Variants in USP42 observed in about 807,000 individuals in gnomAD.
USP42 encodes ubiquitin carboxyl-terminal hydrolase 42.
A neutral mutation model predicts 113.0 loss-of-function variants in USP42; 23 were observed. The observed-to-expected ratio is 0.20, with a 90% CI of 0.15 to 0.29. The LOEUF (loss-of-function observed/expected upper bound fraction) is 0.29, where lower values mean the gene tolerates loss of function less well. Ranked by LOEUF, USP42 falls within the 10% of genes least tolerant of loss-of-function variation. The probability of loss-of-function intolerance (pLI) is 1.00; values close to 1 mark genes in which losing one functional copy is unlikely to be tolerated. For missense variants in USP42, 2,174 were observed against 1,779.8 expected (o/e 1.22, Z -3.99); for synonymous variants, 933 against 699.0 (o/e 1.33, Z -5.28).
chr7:6,123,930 C>T (rs1780379233), intron 3 of USP42, among the ~76,000 whole-genome samples: 1 of 150,704 alleles, frequency 6.6e-6, no homozygotes, highest in Non-Finnish European at 1.5e-5. Flanking sequence ...TGCTGGAGTG[C>T]ACTGGCATGA....
At chr7:6,093,289 CT>C in the USP42 span, among the ~76,000 whole-genome samples, 3 of 143,326 alleles carry the variant, frequency 2.1e-5, no homozygotes, top group South Asian at 2.2e-4. Flanking sequence ...TCTTCTCTCT[CT>C]TTTTTTTTGC....
chr7:6,128,867 C>T (rs1206289018), intron 3 of USP42, among the ~76,000 whole-genome samples: 1 of 152,026 alleles, frequency 6.6e-6, no homozygotes, highest in Non-Finnish European at 1.5e-5. Context: ...GTCACCTAGG[C>T]TGGAGTGTGG....
At chr7:6,121,581 T>C (rs1780228709) in intron 3 of USP42, among the ~76,000 whole-genome samples, 2 of 152,246 alleles carry the variant, frequency 1.3e-5, no homozygotes, top group South Asian at 4.1e-4. Context: ...TTATTTCTTC[T>C]TTAAATGTTT....
In USP42 at chr7:6,149,963, C is replaced by T; in HGVS notation, c.1767C>T (p.Ser589=). ...TKPIPRSESC[S]QPVMNGKSKL... ...CGATCCCCCGCAGTGAATCCTGCTC[C>T]CAGCCCGTGATGAATGGCAAATCCA... Residue 589 remains serine (S), a synonymous_variant, in exon 13 of 18, where the codon TCC becomes TCT. Transcript: ENST00000306177. 6.2e-7 allele frequency: 1 copy of T among 1,613,956 alleles called. No individual in the cohort carries two copies. The highest frequency in any genetic ancestry group is 8.5e-7 in the Non-Finnish European group (1 of 1,179,880).
intron 3 of USP42, chr7:6,117,016 C>T: frequency 2.6e-6 from 1 of 381,490 alleles, no homozygotes; most frequent in South Asian, 2.1e-5. Context: ...CTTTCTCTCT[C>T]TCTTTTCCCA....
the USP42 span, among the ~76,000 whole-genome samples, chr7:6,097,382 G>A: frequency 6.3e-5 from 9 of 141,788 alleles, no homozygotes; most frequent in South Asian, 2.0e-3. Context: ...GGTCCCTGTG[G>A]GTCCTTTTTT....
the USP42 span, among the ~76,000 whole-genome samples, chr7:6,094,509 TAGA>T: frequency 1.3e-5 from 2 of 151,248 alleles, no homozygotes; most frequent in South Asian, 2.1e-4. Context: ...GTTGTGGATG[TAGA>T]AGAACTCCAA....
At chr7:6,090,441 A>C in the USP42 span, among the ~76,000 whole-genome samples, 1 of 143,714 alleles carries the variant, frequency 7.0e-6, no homozygotes, top group African/African-American at 2.6e-5. Flanking sequence ...TATGCCAGGC[A>C]CAGTGGCTCA....
Position 6,154,588 on chromosome 7 carries a change from C to G in USP42, c.3034C>G (p.Arg1012Gly), listed in dbSNP as rs751480553. The change falls in exon 15 of 18, where the codon CGC (arginine) becomes GGC (glycine). Residue 1012 changes from arginine (R) to glycine (G), a missense_variant. Arg to Gly is a moderately radical substitution (Grantham distance 125). Transcript: ENST00000306177. ...CGACAGGCTCAGCCCTGGCGAGCGC[C>G]GCTCTCTGGGCAGGTGCAGTCACCA... The part of the protein sequence containing the change: ...HGDRLSPGER[R>G]SLGRCSHHHS... 6.4e-7 allele frequency: 1 copy of G among 1,571,184 alleles called. No homozygotes were observed. The highest frequency in any genetic ancestry group is 1.2e-5 in the South Asian group (1 of 85,432).
chr7:6,139,226 A>T lies in USP42; in HGVS notation c.656+32A>T. On this transcript the variant is annotated intron_variant, in intron 5 of 17. Coordinates refer to ENST00000306177, the MANE Select transcript of USP42 (RefSeq NM_032172.3). This position sits in a 1 kb window ranked among gnomAD's most constrained non-coding sequence, Gnocchi z 4.5. ...ACAACAGAGCGCCAGCCATGTCTTCATTGGGGATCTCTGGTTGTAGTTTAT... is the reference window on the plus strand; with the variant it reads ...ACAACAGAGCGCCAGCCATGTCTTCTTTGGGGATCTCTGGTTGTAGTTTAT... 1 of 1,468,616 alleles carries T rather than the reference A, an allele frequency of 6.8e-7. No homozygotes were observed. Among genetic ancestry groups the T allele is most frequent in the Non-Finnish European group, 9.3e-7 (1 of 1,075,866 alleles). The allele number at this position is 1,468,616 out of a possible 1,614,324, so 91.0% of individuals were successfully genotyped here. A position where few individuals can be genotyped will look rare whatever the true frequency, so the allele number is the denominator to read the frequency against.
intron 1 of USP42, among the ~76,000 whole-genome samples, chr7:6,106,895 CTT>C (rs1779311911): frequency 6.6e-6 from 1 of 152,170 alleles, no homozygotes; most frequent in African/African-American, 2.4e-5. Flanking sequence ...GCTCTTGTAA[CTT>C]TTATATATCA....
At chr7:6,104,631 G>C (rs1327918938), upstream of USP42, among the ~76,000 whole-genome samples, 1 of 152,132 alleles carries the variant, frequency 6.6e-6, no homozygotes, top group Admixed American at 6.5e-5. Flanking sequence ...GCTCTGCCCA[G>C]GGAAGCACAG....
the USP42 span, among the ~76,000 whole-genome samples, chr7:6,090,766 TTA>T: frequency 6.9e-6 from 1 of 145,610 alleles, no homozygotes; most frequent in Non-Finnish European, 1.5e-5. Flanking sequence ...ACTATATATA[TTA>T]TATATATAAC....
chr7:6,140,319 T>C lies in USP42; in HGVS notation c.724+124T>C, dbSNP rs1049261011. On this transcript the variant is annotated intron_variant, in intron 6 of 17. Coordinates refer to ENST00000306177, the MANE Select transcript of USP42 (RefSeq NM_032172.3). ...TGCTTCTCTCCAGCCCAGATTCTCA[T>C]TCCTTTTACCCAGAGGCAGCCTCGG... 3 of 894,492 alleles carry C rather than the reference T, an allele frequency of 3.4e-6. No homozygotes were observed. The African/African-American group carries it at 5.0e-5, about 15-fold the overall frequency. 55.4% of individuals were successfully genotyped at this position (894,492 alleles called of 1,614,324 possible).
At position 6,139,812 on chromosome 7, in the gene USP42, C is replaced by A. The variant is rs772355171; in HGVS notation, c.657-316C>A. ...GCCTTTTCCGCCTCCGCTCCCTTTC[C>A]TCCCACACAGGCCGCAGTGCCCGGA... On this transcript the variant is annotated intron_variant, in intron 5 of 17. Transcript: ENST00000306177. This position sits in a 1 kb window ranked among gnomAD's most constrained non-coding sequence, Gnocchi z 4.5. 2.1e-5 allele frequency: 9 copies of A among 435,492 alleles called. No individual in the cohort carries two copies. The East Asian group carries it at 4.3e-4, about 21-fold the overall frequency. The allele number at this position is 435,492 out of a possible 1,614,324, so 27.0% of individuals were successfully genotyped here.
rs1162650300 is a variant in USP42, at chr7:6,148,002, C to G, written c.1386+110C>G. The G allele has an allele frequency of 2.6e-6, 3 of 1,173,910 alleles. No homozygotes were observed. In the African/African-American group the frequency reaches 4.6e-5, roughly 18 times the overall value. The allele number at this position is 1,173,910 out of a possible 1,614,324, so 72.7% of individuals were successfully genotyped here. A position where few individuals can be genotyped will look rare whatever the true frequency, so the allele number is the denominator to read the frequency against. ...TGTGTCCTCAAATACATCTGAATTT[C>G]TTCTCACAGTTTAATCAAACCCTCT... On this transcript the variant is annotated intron_variant, in intron 12 of 17. Transcript: ENST00000306177.
the USP42 span, among the ~76,000 whole-genome samples, chr7:6,095,699 T>A: frequency 6.6e-6 from 1 of 151,058 alleles, no homozygotes; most frequent in Non-Finnish European, 1.5e-5. Flanking sequence ...GAGGTCTCTT[T>A]GGGGCAGGAC....
intron 6 of USP42, among the ~76,000 whole-genome samples, chr7:6,140,634 G>C (rs73058645): frequency 1.3e-5 from 2 of 152,268 alleles, no homozygotes; most frequent in African/African-American, 2.4e-5. Flanking sequence ...AGAATTTCTG[G>C]ATCACAGGGA....
chr7:6,116,384 G>A (rs2128481860), intron 3 of USP42: 1 of 165,490 alleles, frequency 6.0e-6, no homozygotes. Context: ...CTCAGTGGTT[G>A]ACTATCAACC....
Sources: allele counts gnomAD v4.1 joint callset (sites outside exome capture counted in the v4.1 genomes callset), GRCh38; gene constraint gnomAD v4.1.1; non-coding constraint Gnocchi (gnomAD v3.1); transcripts MANE v1.5; gene names NCBI Gene and HGNC (gene_info 2026-07-23, HGNC 2026-07-21).